Variants in DLGAP2 observed in about 807,000 individuals in gnomAD.
The protein encoded by DLGAP2 is disks large-associated protein 2.
DLGAP2 carries 26 observed loss-of-function variants against 100.3 expected under a neutral mutation model. That is an observed-to-expected ratio of 0.26 (90% CI 0.19 to 0.36). The LOEUF (loss-of-function observed/expected upper bound fraction) is 0.36, where lower values mean the gene tolerates loss of function less well. Ranked by LOEUF, DLGAP2 falls within the 10% of genes least tolerant of loss-of-function variation. The probability of loss-of-function intolerance (pLI) is 1.00; values close to 1 mark genes in which losing one functional copy is unlikely to be tolerated. For missense variants in DLGAP2, 1,858 were observed against 1,453.2 expected, an observed-to-expected ratio of 1.28 and a Z score of -4.53; for synonymous variants, 886 against 630.1, an observed-to-expected ratio of 1.41 and a Z score of -6.08.
At chr8:1,241,314 C>A (rs1409294645) in intron 2 of DLGAP2, among the ~76,000 whole-genome samples, 1 of 151,922 alleles carries the variant, frequency 6.6e-6, no homozygotes, top group African/African-American at 2.4e-5. Context: ...GTGTCTAGTT[C>A]TCTCACATGG....
At chr8:751,609 C>A (rs1820790732) in intron 1 of DLGAP2, among the ~76,000 whole-genome samples, 1 of 87,910 alleles carries the variant, frequency 1.1e-5, no homozygotes, top group African/African-American at 2.9e-5. Flanking sequence ...GTTCATCTGA[C>A]ACTTTATAGT....
At chr8:1,536,437 C>G (rs1291014185) in intron 4 of DLGAP2, among the ~76,000 whole-genome samples, 1 of 152,126 alleles carries the variant, frequency 6.6e-6, no homozygotes, top group East Asian at 1.9e-4. Flanking sequence ...GTCAGATTAG[C>G]CATACAGAGG....
intron 3 of DLGAP2, among the ~76,000 whole-genome samples, chr8:1,438,431 A>G (rs1220607166): frequency 6.6e-6 from 1 of 152,196 alleles, no homozygotes; most frequent in Non-Finnish European, 1.5e-5. Context: ...TCCAAAGAAT[A>G]AAATTGCTAA....
intron 1 of DLGAP2, among the ~76,000 whole-genome samples, chr8:855,854 T>C (rs1797266689): frequency 6.6e-6 from 1 of 152,144 alleles, no homozygotes; most frequent in East Asian, 1.9e-4. Flanking sequence ...TCCAATCCCA[T>C]TAATGATAAA....
intron 6 of DLGAP2, chr8:1,621,323 C>G (rs540593218): frequency 6.5e-6 from 1 of 152,744 alleles, no homozygotes; most frequent in African/African-American, 2.4e-5. Context: ...AGAGGAGAGC[C>G]AGAGGAGGTT....
At chr8:1,366,718 A>G (rs1430599514) in intron 3 of DLGAP2, among the ~76,000 whole-genome samples, 1 of 152,068 alleles carries the variant, frequency 6.6e-6, no homozygotes, top group East Asian at 1.9e-4. Context: ...AGATGCCTGC[A>G]CCCCACAAGG....
intron 8 of DLGAP2, among the ~76,000 whole-genome samples, chr8:1,639,565 A>G (rs981698976): frequency 9.9e-5 from 15 of 152,196 alleles, no homozygotes; most frequent in Non-Finnish European, 2.2e-4. Context: ...ACGGGCCTGG[A>G]CTGAGGAACC....
At chr8:1,318,370 A>T (rs1042283502) in intron 3 of DLGAP2, among the ~76,000 whole-genome samples, 2 of 151,562 alleles carry the variant, frequency 1.3e-5, no homozygotes, top group Admixed American at 1.3e-4. Flanking sequence ...CCATCTTCAT[A>T]TTGTATTTCT....
At chr8:1,498,052 G>T (rs1799601449) in intron 3 of DLGAP2, among the ~76,000 whole-genome samples, 1 of 152,206 alleles carries the variant, frequency 6.6e-6, no homozygotes, top group Non-Finnish European at 1.5e-5. Context: ...GTTGGGTCTG[G>T]AAAGGCAGGA....
rs570593390 is a variant in DLGAP2 at position 1,099,036 on chromosome 8, G to C, written c.74-159815G>C. Among the ~76,000 whole-genome samples, 82 of 152,290 alleles carry C rather than the reference G, an allele frequency of 5.4e-4. 1 individual carries two copies. The South Asian group carries it at 9.9e-3, about 18-fold the overall frequency. On this transcript the variant is annotated intron_variant, in intron 2 of 14. Coordinates refer to ENST00000637795, the MANE Select transcript of DLGAP2 (RefSeq NM_001346810.2). ...TTCATGGCTCACTCCTCTGGGGCTAGTGTGTATTTTAGAAAATACTGTTCT... is the reference window on the plus strand; with the variant it reads ...TTCATGGCTCACTCCTCTGGGGCTACTGTGTATTTTAGAAAATACTGTTCT...
Position 1,422,880 on chromosome 8 carries a change from G to A in DLGAP2, c.107-78486G>A, listed in dbSNP as rs185990924. Among the ~76,000 whole-genome samples the A allele has an allele frequency of 9.7e-4, 148 of 152,252 alleles. 1 individual carries two copies. Among genetic ancestry groups the A allele is most frequent in the African/African-American group, 3.4e-3 (140 of 41,554 alleles). ...ATGCTGTGCTGTTCCAGAATCAAGC[G>A]GTGTGAGGCCTGAGGAAGCTCCAGC... On this transcript the variant is annotated intron_variant, in intron 3 of 14. Transcript: ENST00000637795.
intron 3 of DLGAP2, among the ~76,000 whole-genome samples, chr8:1,458,112 T>A (rs1798372752): frequency 6.6e-6 from 1 of 150,738 alleles, no homozygotes; most frequent in Non-Finnish European, 1.5e-5. Context: ...TTCACCATGT[T>A]GGCCAGGATG....
intron 2 of DLGAP2, among the ~76,000 whole-genome samples, chr8:1,185,401 G>C (rs1797477982): frequency 6.6e-6 from 1 of 152,070 alleles, no homozygotes. Context: ...GGTACAAGGT[G>C]ACCCCTAAGG....
At position 1,217,914 on chromosome 8, in the gene DLGAP2, A is replaced by G. The variant is rs143578758; in HGVS notation, c.74-40937A>G. ...CTTGCATGTATGTCTTCTTTTGAGA[A>G]GTGTCCATGTCCTTTGCCCATTTTT... On this transcript the variant is annotated intron_variant, in intron 2 of 14. Transcript: ENST00000637795. Among the ~76,000 whole-genome samples, 897 of 152,200 alleles carry G rather than the reference A, an allele frequency of 5.9e-3. 7 individuals carry two copies. Among genetic ancestry groups the G allele is most frequent in the African/African-American group, 0.02 (818 of 41,548 alleles).
chr8:1,426,753 G>A (rs746757484), intron 3 of DLGAP2, among the ~76,000 whole-genome samples: 6 of 152,134 alleles, frequency 3.9e-5, no homozygotes, highest in Non-Finnish European at 8.8e-5. Flanking sequence ...TCAAATTATG[G>A]CTTCCACGTC....
chr8:964,519 G>A (rs1302322901), intron 2 of DLGAP2, among the ~76,000 whole-genome samples: 1 of 152,238 alleles, frequency 6.6e-6, no homozygotes, highest in East Asian at 1.9e-4. Flanking sequence ...TCCAGGTTCA[G>A]CTGTTTATTT....
chr8:856,701 C>T (rs1202533916), intron 1 of DLGAP2, among the ~76,000 whole-genome samples: 1 of 152,124 alleles, frequency 6.6e-6, no homozygotes, highest in South Asian at 2.1e-4. Context: ...AGGAAAACTA[C>T]AAAACTCTGT....
Position 1,137,128 on chromosome 8 carries a change from A to G in DLGAP2, c.74-121723A>G, listed in dbSNP as rs147835181. 2.6e-5 allele frequency among the ~76,000 whole-genome samples: 4 copies of G among 152,278 alleles called. No individual in the cohort carries two copies. In the East Asian group the frequency reaches 7.7e-4, roughly 29 times the overall value. On this transcript the variant is annotated intron_variant, in intron 2 of 14. Transcript: ENST00000637795. ...GGTTTCTCCTGAGGCCTCTCTTCCC[A>G]GCTTGCAGCGTGGCCTCCTCCTTGT...
intron 2 of DLGAP2, among the ~76,000 whole-genome samples, chr8:1,147,333 T>C (rs1796626063): frequency 6.6e-6 from 1 of 152,204 alleles, no homozygotes; most frequent in African/African-American, 2.4e-5. Flanking sequence ...TGTATGGAAA[T>C]ACATTTTTTA....
Sources: allele counts gnomAD v4.1 joint callset (sites outside exome capture counted in the v4.1 genomes callset), GRCh38; gene constraint gnomAD v4.1.1; transcripts MANE v1.5; gene names NCBI Gene and HGNC (gene_info 2026-07-23, HGNC 2026-07-21).